SHANK1: variants seen among roughly 807,000 people sequenced by gnomAD.
SHANK1 encodes the protein SH3 and multiple ankyrin repeat domains protein 1.
SHANK1 carries 35 observed loss-of-function variants against 165.6 expected under a neutral mutation model. The observed-to-expected ratio is 0.21, with a 90% CI of 0.16 to 0.28. The LOEUF is 0.28. Among genes scored for constraint, SHANK1 ranks in the 10% least tolerant of loss-of-function variants. The pLI, the probability that SHANK1 is intolerant of heterozygous loss-of-function variation, is 1.00. For missense variants in SHANK1, 2,681 were observed against 3,036.4 expected (o/e 0.88, Z 2.75); for synonymous variants, 1,428 against 1,384.8 (o/e 1.03, Z -0.69).
In SHANK1 at chr19:50,686,488, T is replaced by C. The variant is rs548407607; in HGVS notation, c.2459-133A>G. 324 of 751,032 alleles carry C rather than the reference T, an allele frequency of 4.3e-4. 6 individuals carry two copies. In the South Asian group the frequency reaches 5.4e-3, roughly 13 times the overall value. The allele number at this position is 751,032 out of a possible 1,614,324, so 46.5% of individuals were successfully genotyped here. ...TCAACCAGGAAAGGGCAGCCCTGCC[T>C]GGGTCCGGGTGGACGGGCAGTCCCG... On this transcript the variant is annotated intron_variant, in intron 20 of 23. Coordinates refer to ENST00000293441, the MANE Select transcript of SHANK1 (RefSeq NM_016148.5). This position sits in a 1 kb window ranked among gnomAD's most constrained non-coding sequence, Gnocchi z 5.7.
At position 50,714,232 on chromosome 19, in the gene SHANK1, C is replaced by T. The variant is rs375805593; in HGVS notation, c.590G>A (p.Arg197Gln). 9.9e-6 allele frequency: 16 copies of T among 1,614,020 alleles called. No homozygotes were observed. The highest frequency in any genetic ancestry group is 1.3e-5 in the African/African-American group (1 of 74,892). Residue 197 changes from arginine (R) to glutamine (Q), a missense_variant, in exon 5 of 24, where the codon CGG becomes CAG. By Grantham distance (43) the Arg-to-Gln change is conservative (BLOSUM62 1). Around this residue, in one of 10 missense-constraint regions of SHANK1, gnomAD observed 189 missense variants for 440.9 expected, o/e 0.43. Coordinates refer to ENST00000293441, the MANE Select transcript of SHANK1 (RefSeq NM_016148.5). Reference protein sequence around the residue: ...VQLGTSDKVARLLDKGLDPNY... With the variant: ...VQLGTSDKVAQLLDKGLDPNY... ...GGGGTCCAGCCCCTTGTCCAGCAGC[C>T]GCGCCACCTTGTCAGATGTCCCGAG...
rs939301121 is a variant in SHANK1, at chr19:50,713,132, C to T, written c.792+666G>A. ...GGGCCGTTTAGCTGGAGCAGCTGTGCGTCGGGGTGCTTCTCAATGGCTGTC... is the reference window on the plus strand; with the variant it reads ...GGGCCGTTTAGCTGGAGCAGCTGTGTGTCGGGGTGCTTCTCAATGGCTGTC... On this transcript the variant is annotated intron_variant, in intron 6 of 23. Transcript: ENST00000293441. The surrounding 1 kb of genome is among the most constrained non-coding windows in gnomAD (Gnocchi z 6.2). Among the ~76,000 whole-genome samples the T allele has an allele frequency of 6.6e-6, 1 of 152,076 alleles. No individual in the cohort carries two copies. The highest frequency in any genetic ancestry group is 1.5e-5 in the Non-Finnish European group (1 of 68,012).
At chr19:50,687,413 C>A (rs905203486) in intron 19 of SHANK1, among the ~76,000 whole-genome samples, 169 bp downstream of exon 19, 1 of 152,070 alleles carries the variant, frequency 6.6e-6, no homozygotes, top group Non-Finnish European at 1.5e-5. Flanking sequence ...CTCTCAGACA[C>A]CCCTTCCCAG....
intron 23 of SHANK1, among the ~76,000 whole-genome samples, chr19:50,665,175 T>C (rs1985427153): frequency 6.6e-6 from 1 of 152,188 alleles, no homozygotes; most frequent in Admixed American, 6.5e-5. Context: ...ACACCTGTAA[T>C]CACACTTTGG....
At position 50,668,095 on chromosome 19, in the gene SHANK1, C is replaced by T. The variant is rs2123081059; in HGVS notation, c.3865G>A (p.Asp1289Asn). The T allele has an allele frequency of 1.4e-6, 2 of 1,480,494 alleles. No individual in the cohort carries two copies. Among genetic ancestry groups the T allele is most frequent in the African/African-American group, 2.9e-5 (2 of 68,454 alleles). The allele number at this position is 1,480,494 out of a possible 1,614,324, so 91.7% of individuals were successfully genotyped here. Residue 1289 changes from aspartate (D) to asparagine (N), a missense_variant, in exon 23 of 24, where the codon GAC (aspartate) becomes AAC (asparagine). Physicochemically the swap from Asp to Asn is conservative, Grantham distance 23. Transcript: ENST00000293441. ...GGCTCGGCGGAGAACATGCCCTCGT[C>T]GATGGATTTGGAGTGGCGCAGCCGC... The part of the protein sequence containing the change: ...GPRLRHSKSI[D>N]EGMFSAEPYL...
chr19:50,674,095 ATTTTT>A (rs35496340), intron 21 of SHANK1, among the ~76,000 whole-genome samples: 1 of 143,778 alleles, frequency 7.0e-6, no homozygotes, highest in Non-Finnish European at 1.5e-5. Flanking sequence ...GTGTTGGCCT[ATTTTT>A]TTTTTTTTTA....
At chr19:50,676,846 G>A (rs749815559) in intron 21 of SHANK1, among the ~76,000 whole-genome samples, 4 of 152,186 alleles carry the variant, frequency 2.6e-5, no homozygotes, top group Non-Finnish European at 5.9e-5. Context: ...AAGGCCAACC[G>A]GGATGCCCAA....
intron 15 of SHANK1, among the ~76,000 whole-genome samples, chr19:50,695,410 G>A (rs972792987): frequency 6.7e-6 from 1 of 149,940 alleles, no homozygotes; most frequent in South Asian, 2.1e-4. Flanking sequence ...GGGCCGGGCA[G>A]GGGGGAGGGG....
At chr19:50,711,215 TGGAG>T (rs971115012) in intron 8 of SHANK1, 152 bp downstream of exon 8, 5 of 597,540 alleles carry the variant, frequency 8.4e-6, no homozygotes, top group Non-Finnish European at 1.5e-5. Context: ...GATGGATGGA[TGGAG>T]GAATGAATGG....
rs760277093 is a variant in SHANK1 at position 50,716,614 on chromosome 19, C to T, written c.255+51G>A. The T allele has an allele frequency of 1.5e-5, 24 of 1,552,544 alleles. No individual in the cohort carries two copies. In the Middle Eastern group the frequency reaches 5.2e-4, roughly 34 times the overall value. On this transcript the variant is annotated intron_variant, in intron 2 of 23. Coordinates refer to ENST00000293441, the MANE Select transcript of SHANK1 (RefSeq NM_016148.5). The surrounding 1 kb of genome is among the most constrained non-coding windows in gnomAD (Gnocchi z 8.4). ...CCCAGCACCAGTGGACTCCCCATGT[C>T]GGTTGGGGCACTGTCCCTCTCCTGC...
chr19:50,716,507 T>G lies in SHANK1; in HGVS notation c.256-29A>C. ...GTTGGGGAAGAGATAGGGGCTAGGG[T>G]GGGCCAGGGGCCAGAGGAGAGCCTG... is the stretch of plus-strand genomic sequence containing the variant. On this transcript the variant is annotated intron_variant, in intron 2 of 23. Coordinates refer to ENST00000293441, the MANE Select transcript of SHANK1 (RefSeq NM_016148.5). The surrounding 1 kb of genome is among the most constrained non-coding windows in gnomAD (Gnocchi z 8.4). 1.2e-6 allele frequency: 2 copies of G among 1,611,562 alleles called. No homozygotes were observed. Among genetic ancestry groups the G allele is most frequent in the African/African-American group, 2.7e-5 (2 of 74,940 alleles).
In SHANK1 at chr19:50,667,872, G is replaced by T. The variant is rs1012165028; in HGVS notation, c.4088C>A (p.Ala1363Glu). The T allele has an allele frequency of 1.5e-6, 2 of 1,316,274 alleles. No homozygotes were observed. The highest frequency in any genetic ancestry group is 1.9e-6 in the Non-Finnish European group (2 of 1,036,818). The allele number at this position is 1,316,274 out of a possible 1,614,324, so 81.5% of individuals were successfully genotyped here. A position where few individuals can be genotyped will look rare whatever the true frequency, so the allele number is the denominator to read the frequency against. The change falls in exon 23 of 24, where the codon GCG (alanine) becomes GAG (glutamate). Residue 1363 changes from alanine (A) to glutamate (E), a missense_variant. Ala to Glu is a moderately radical substitution (Grantham distance 107). Around this residue, in one of 10 missense-constraint regions of SHANK1, gnomAD observed 1,713 missense variants for 1,630.2 expected, o/e 1.05. Transcript: ENST00000293441. This position sits in a 1 kb window ranked among gnomAD's most constrained non-coding sequence, Gnocchi z 5.7. The part of the protein sequence containing the change: ...LGLALAARER[A>E]LKESSEGGGA... Reference sequence around the variant, plus strand: ...GCCGCCCTCCGAGGACTCCTTCAGCGCTCGCTCGCGGGCGGCCAGGGCCAG... The same window carrying T: ...GCCGCCCTCCGAGGACTCCTTCAGCTCTCGCTCGCGGGCGGCCAGGGCCAG...
At chr19:50,706,415 T>G (rs949354928) in intron 8 of SHANK1, among the ~76,000 whole-genome samples, 1 of 152,136 alleles carries the variant, frequency 6.6e-6, no homozygotes, top group African/African-American at 2.4e-5. Flanking sequence ...CTTTTTGGGC[T>G]AAGCACAAAG....
Position 50,688,719 on chromosome 19 carries a change from G to A in SHANK1, c.2172+125C>T, listed in dbSNP as rs886259223. On this transcript the variant is annotated intron_variant, in intron 17 of 23. Transcript: ENST00000293441. The surrounding 1 kb of genome is among the most constrained non-coding windows in gnomAD (Gnocchi z 6.7). ...AAAGCAGAGGCTGGCTGGGGGGTGG[G>A]CAGGGGGCTGGGAATCCTGGTGCCA... 2.3e-6 allele frequency: 2 copies of A among 883,552 alleles called. No individual in the cohort carries two copies. The highest frequency in any genetic ancestry group is 3.5e-6 in the Non-Finnish European group (2 of 576,926). The allele number at this position is 883,552 out of a possible 1,614,324, so 54.7% of individuals were successfully genotyped here.
intron 21 of SHANK1, among the ~76,000 whole-genome samples, chr19:50,674,916 G>C (rs1568430956): frequency 6.6e-6 from 1 of 152,018 alleles, no homozygotes; most frequent in East Asian, 1.9e-4. Flanking sequence ...ACAAAAATTA[G>C]CTGGGAGTGG....
rs1184006621 is a variant in SHANK1, at chr19:50,713,960, G to A, written c.641-11C>T. On this transcript the variant is annotated splice_polypyrimidine_tract_variant and intron_variant, in intron 5 of 23. Coordinates refer to ENST00000293441, the MANE Select transcript of SHANK1 (RefSeq NM_016148.5). The surrounding 1 kb of genome is among the most constrained non-coding windows in gnomAD (Gnocchi z 6.2). ...GTGTCAAGGGGGTCTCTGAAGGGCGGGAAAAGCTGGTCACATGAAGCCCCT... is the reference window on the plus strand; with the variant it reads ...GTGTCAAGGGGGTCTCTGAAGGGCGAGAAAAGCTGGTCACATGAAGCCCCT... 7 of 1,613,406 alleles carry A rather than the reference G, an allele frequency of 4.3e-6. No individual in the cohort carries two copies. Among genetic ancestry groups the A allele is most frequent in the African/African-American group, 1.3e-5 (1 of 75,022 alleles).
Position 50,667,408 on chromosome 19 carries a change from C to A in SHANK1, c.4552G>T (p.Val1518Phe). 6.6e-7 allele frequency: 1 copy of A among 1,516,256 alleles called. No individual in the cohort carries two copies. The highest frequency in any genetic ancestry group is 8.8e-7 in the Non-Finnish European group (1 of 1,139,094). 93.9% of individuals were successfully genotyped at this position (1,516,256 alleles called of 1,614,324 possible). The change falls in exon 23 of 24, where the codon GTC (valine) becomes TTC (phenylalanine). Residue 1518 changes from valine (V) to phenylalanine (F), a missense_variant. Coordinates refer to ENST00000293441, the MANE Select transcript of SHANK1 (RefSeq NM_016148.5). This position sits in a 1 kb window ranked among gnomAD's most constrained non-coding sequence, Gnocchi z 5.7. The stretch of plus-strand genomic sequence containing the variant: ...GACCGGCGTGGGCTGGGCGGCGGGA[C>A]CCCCGGCCCGTCCTCCGAGGGGGGA... ...RGPPSEDGPGVPPPSPRRSVP... is the reference protein window; with the variant it reads ...RGPPSEDGPGFPPPSPRRSVP...
chr19:50,697,531 T>C lies in SHANK1; in HGVS notation c.1937+58A>G. 4 of 1,235,120 alleles carry C rather than the reference T, an allele frequency of 3.2e-6. No homozygotes were observed. Among genetic ancestry groups the C allele is most frequent in the Non-Finnish European group, 4.8e-6 (4 of 834,282 alleles). 76.5% of individuals were successfully genotyped at this position (1,235,120 alleles called of 1,614,324 possible). On this transcript the variant is annotated intron_variant, in intron 14 of 23. Coordinates refer to ENST00000293441, the MANE Select transcript of SHANK1 (RefSeq NM_016148.5). The surrounding 1 kb of genome is among the most constrained non-coding windows in gnomAD (Gnocchi z 4.7). ...GAGGTGATGGAAATATTTAAAGGTG[T>C]ACATTGTGAAGGGAACTTGGGGTGA...
At position 50,717,124 on chromosome 19, in the gene SHANK1, G is replaced by T. The variant is rs1296058366; in HGVS notation, c.-43-162C>A. Reference sequence around the variant, plus strand: ...CTCGGCCTGCACGGCCTCCCCTGCCGCCTCCTCCCACGCTGGCACGCACAC... The same window carrying T: ...CTCGGCCTGCACGGCCTCCCCTGCCTCCTCCTCCCACGCTGGCACGCACAC... On this transcript the variant is annotated intron_variant, in intron 1 of 23. Coordinates refer to ENST00000293441, the MANE Select transcript of SHANK1 (RefSeq NM_016148.5). The surrounding 1 kb of genome is among the most constrained non-coding windows in gnomAD (Gnocchi z 5.5). Among the ~76,000 whole-genome samples, 1 of 152,094 alleles carries T rather than the reference G, an allele frequency of 6.6e-6. No homozygotes were observed. Among genetic ancestry groups the T allele is most frequent in the South Asian group, 2.1e-4 (1 of 4,828 alleles).
Sources: gnomAD v4.1 joint callset for allele counts (sites outside exome capture counted in the v4.1 genomes callset) on GRCh38, gnomAD v4.1.1 for gene constraint, gnomAD v4.1.1 regional missense constraint, Gnocchi (gnomAD v3.1) non-coding constraint, MANE v1.5 for transcripts, NCBI Gene and HGNC (gene_info 2026-07-23, HGNC 2026-07-21) for gene names.